CHD1: variants seen among roughly 807,000 people sequenced by gnomAD.
CHD1 encodes ATP-dependent chromatin remodeler CHD1.
A neutral mutation model predicts 224.2 loss-of-function variants in CHD1; 36 were observed. That is an observed-to-expected ratio of 0.16 (90% CI 0.12 to 0.21). The LOEUF is 0.21. CHD1 is among the 10% of genes least tolerant of loss of function. The pLI is 1.00. For synonymous variants in CHD1, 668 were observed against 658.3 expected, an observed-to-expected ratio of 1.01 and a Z score of -0.23; for missense variants, 1,378 against 1,994.8, an observed-to-expected ratio of 0.69 and a Z score of 5.89.
chr5:98,914,402 G>A (rs1327018089), intron 2 of CHD1, among the ~76,000 whole-genome samples: 1 of 152,022 alleles, frequency 6.6e-6, no homozygotes, highest in Non-Finnish European at 1.5e-5. Context: ...TAACATTTGT[G>A]AAATAAACAT....
At chr5:98,864,807 C>T (rs1467868674) in intron 31 of CHD1, among the ~76,000 whole-genome samples, 1 of 152,158 alleles carries the variant, frequency 6.6e-6, no homozygotes, top group African/African-American at 2.4e-5. Flanking sequence ...AATTTCCTTT[C>T]TAACTTTTAG....
intron 2 of CHD1, among the ~76,000 whole-genome samples, chr5:98,916,474 G>A (rs1173905116): frequency 4.0e-5 from 6 of 149,926 alleles, no homozygotes; most frequent in African/African-American, 1.5e-4. Flanking sequence ...GAACCCGGGA[G>A]GCAGAGGTTG....
At chr5:98,859,235 T>C (rs200717473) in intron 33 of CHD1, among the ~76,000 whole-genome samples, 21 of 152,138 alleles carry the variant, frequency 1.4e-4, no homozygotes, top group African/African-American at 1.9e-4. Flanking sequence ...TTGAAATAAA[T>C]TGACTTAACA....
At position 98,928,769 on chromosome 5, in the gene CHD1, A is replaced by C. The variant is rs370000935; in HGVS notation, c.-379T>G. On this transcript the variant is annotated 5_prime_UTR_variant, in exon 1 of 36. Transcript: ENST00000614616. ...GCTAACAATTCATTATTGAAGCACC[A>C]AGGGCGAGGGCAGCAAGAGCTATAA... 5.8e-5 allele frequency: 9 copies of C among 155,188 alleles called. No homozygotes were observed. In the South Asian group the frequency reaches 1.5e-3, roughly 26 times the overall value. 9.6% of individuals were successfully genotyped at this position (155,188 alleles called of 1,614,324 possible). A position where few individuals can be genotyped will look rare whatever the true frequency, so the allele number is the denominator to read the frequency against.
chr5:98,896,550 T>C, intron 11 of CHD1, 108 bp from the exon 12 acceptor site: 1 of 702,908 alleles, frequency 1.4e-6, no homozygotes, highest in South Asian at 1.9e-5. Context: ...AATTGATAGG[T>C]ATTATATAGA....
intron 2 of CHD1, among the ~76,000 whole-genome samples, chr5:98,917,588 C>G (rs1367003106): frequency 6.6e-6 from 1 of 152,186 alleles, no homozygotes; most frequent in African/African-American, 2.4e-5. Context: ...AACAGTGGAA[C>G]TGAGAAATAG....
At chr5:98,895,347 G>A (rs999203835) in intron 12 of CHD1, among the ~76,000 whole-genome samples, 3 of 152,218 alleles carry the variant, frequency 2.0e-5, no homozygotes, top group Non-Finnish European at 4.4e-5. Context: ...GGAAAGTCGT[G>A]TGTAGAGGTA....
rs553148589 is a variant in CHD1 at position 98,869,066 on chromosome 5, T to G, written c.4108-431A>C. On this transcript the variant is annotated intron_variant, in intron 30 of 35. Transcript: ENST00000614616. ...CTGTATAGCTTCTTTTACTTTGTTT[T>G]CTCTTTTTTCTTTAAAATCTTTTTC... 8.8e-6 allele frequency: 8 copies of G among 904,380 alleles called. No individual in the cohort carries two copies. The South Asian group carries it at 3.6e-4, about 40-fold the overall frequency. The allele number at this position is 904,380 out of a possible 1,614,324, so 56.0% of individuals were successfully genotyped here.
chr5:98,917,301 A>AAAAAAAAAAAAAAAAAAAAAAAAAC, intron 2 of CHD1, among the ~76,000 whole-genome samples: 3 of 149,724 alleles, frequency 2.0e-5, no homozygotes, highest in African/African-American at 7.4e-5. Flanking sequence ...CAAAGAAACA[A>AAAAAAAAAAAAAAAAAAAAAAAAAC]AAAAAAAAAA....
At chr5:98,904,756 T>C (rs577965753) in intron 3 of CHD1, 141 bp downstream of exon 3, 1 of 741,566 alleles carries the variant, frequency 1.3e-6, no homozygotes, top group Non-Finnish European at 2.2e-6. Context: ...CCACCATGAA[T>C]GTGAGAATCA....
At chr5:98,905,694 T>G (rs753069036) in intron 2 of CHD1, among the ~76,000 whole-genome samples, 10 of 152,188 alleles carry the variant, frequency 6.6e-5, no homozygotes, top group East Asian at 1.9e-4. Context: ...AATCACTTAT[T>G]AATAAGTTCT....
In CHD1 at chr5:98,905,063, G is replaced by A. The variant is rs748354609; in HGVS notation, c.89C>T (p.Ser30Phe). Residue 30 changes from serine to phenylalanine, a missense_variant, in exon 3 of 36, where the codon TCT becomes TTT. By Grantham distance (155) the Ser-to-Phe change is radical (BLOSUM62 -2). Transcript: ENST00000614616. ...SDDDSGSASG[S>F]GSGSSSGSSS... ...GCTTCCAGAACTCGAACCAGATCCA[G>A]AGCCTGAAGCTGACCCAGAATCATC... 4 of 1,604,848 alleles carry A rather than the reference G, an allele frequency of 2.5e-6. No homozygotes were observed. Among genetic ancestry groups the A allele is most frequent in the African/African-American group, 2.7e-5 (2 of 74,714 alleles).
chr5:98,876,876 A>G (rs1031978358), intron 23 of CHD1, among the ~76,000 whole-genome samples: 1 of 152,220 alleles, frequency 6.6e-6, no homozygotes, highest in East Asian at 1.9e-4. Context: ...ACATCATAAA[A>G]GAAAAATGTG....
At position 98,892,656 on chromosome 5, in the gene CHD1, A is replaced by G. The variant is rs754322931; in HGVS notation, c.2049T>C (p.Tyr683=). 1 of 1,613,718 alleles carries G rather than the reference A, an allele frequency of 6.2e-7. No homozygotes were observed. The highest frequency in any genetic ancestry group is 8.5e-7 in the Non-Finnish European group (1 of 1,179,704). The part of the protein sequence containing the change: ...EEHGKGREYG[Y]ASLHKELEPF... ...GCTCAAGCTCCTTGTGAAGGCTTGC[A>G]TAACCATATTCTCTCCCTTTGCCAT... Residue 683 remains tyrosine (Y), a synonymous_variant, in exon 15 of 36, where the codon TAT becomes TAC. Coordinates refer to ENST00000614616, the MANE Select transcript of CHD1 (RefSeq NM_001270.4).
intron 12 of CHD1, among the ~76,000 whole-genome samples, chr5:98,895,513 G>A (rs1751287417): frequency 6.6e-6 from 1 of 152,072 alleles, no homozygotes. Flanking sequence ...AGCACTTTGG[G>A]AGGCCAAGGC....
At chr5:98,910,265 C>A (rs751700243) in intron 2 of CHD1, among the ~76,000 whole-genome samples, 2 of 152,062 alleles carry the variant, frequency 1.3e-5, no homozygotes. Context: ...TGCTTTATTT[C>A]AATTTTAATA....
chr5:98,883,157 A>G lies in CHD1; in HGVS notation c.2649T>C (p.Asp883=), dbSNP rs145757324. ...LASADTVVIF[D]SDWNPQNDLQ... is the part of the protein sequence containing the mutation. ...GATCATTCTGTGGATTCCAATCGGA[A>G]TCAAATATAACAACAGTGTCAGCAG... is the stretch of plus-strand genomic sequence containing the variant. Residue 883 remains aspartate, a synonymous_variant, in exon 19 of 36, where the codon GAT becomes GAC. Transcript: ENST00000614616. The G allele has an allele frequency of 2.5e-5, 41 of 1,609,610 alleles. No homozygotes were observed. Among genetic ancestry groups the G allele is most frequent in the Admixed American group, 3.4e-5 (2 of 59,120 alleles).
intron 18 of CHD1, among the ~76,000 whole-genome samples, chr5:98,884,666 A>C (rs1273288542): frequency 6.6e-6 from 1 of 152,078 alleles, no homozygotes; most frequent in Non-Finnish European, 1.5e-5. Flanking sequence ...GAAATAAAAA[A>C]AATTTTTTTT....
At chr5:98,917,399 C>T (rs554077255) in intron 2 of CHD1, among the ~76,000 whole-genome samples, 9 of 151,622 alleles carry the variant, frequency 5.9e-5, no homozygotes, top group African/African-American at 1.9e-4. Flanking sequence ...TTTAGTATCT[C>T]TCTGCATTTA....
Sources: allele counts gnomAD v4.1 joint callset (sites outside exome capture counted in the v4.1 genomes callset), GRCh38; gene constraint gnomAD v4.1.1; transcripts MANE v1.5; gene names NCBI Gene and HGNC (gene_info 2026-07-23, HGNC 2026-07-21).